The following GOSR1 variants were observed in gnomAD, a reference collection of about 807,000 sequenced individuals.
The protein encoded by GOSR1 is golgi SNAP receptor complex member 1.
In GOSR1, 21 loss-of-function variants were observed where a neutral mutation model predicts 35.5. The observed-to-expected ratio is 0.59, with a 90% CI of 0.42 to 0.85. GOSR1 has a LOEUF of 0.85. GOSR1 is among the 40% of genes least tolerant of loss of function. The pLI is 0.00. For missense variants in GOSR1, 285 were observed against 309.6 expected (o/e 0.92, Z 0.60); for synonymous variants, 94 against 106.6 (o/e 0.88, Z 0.73).
At chr17:30,482,073 A>G (rs1914392657) in intron 2 of GOSR1, among the ~76,000 whole-genome samples, 1 of 152,172 alleles carries the variant, frequency 6.6e-6, no homozygotes, top group African/African-American at 2.4e-5. Flanking sequence ...TTAAAAAATG[A>G]TAATTACTCA....
chr17:30,506,778 A>G (rs990056528), intron 6 of GOSR1, among the ~76,000 whole-genome samples: 3 of 152,216 alleles, frequency 2.0e-5, no homozygotes, highest in Non-Finnish European at 2.9e-5. Flanking sequence ...CAAAGCTTCA[A>G]AGGACAGCTG....
At position 30,523,192 on chromosome 17, in the gene GOSR1, AT is replaced by A. The variant is rs1968101712; in HGVS notation, c.*815del. 5.8e-6 allele frequency: 1 copy of A among 172,018 alleles called. No individual in the cohort carries two copies. The highest frequency in any genetic ancestry group is 9.3e-5 in the South Asian group (1 of 10,722). 10.7% of individuals were successfully genotyped at this position (172,018 alleles called of 1,614,324 possible). A position where few individuals can be genotyped will look rare whatever the true frequency, so the allele number is the denominator to read the frequency against. ...TGAGGAGCGCCTCTGCCCGGCCGCC[AT>A]CCCATCTAGGAAGTGAGGAGCGCCT... On this transcript the variant is annotated 3_prime_UTR_variant, in exon 9 of 9. Transcript: ENST00000451249.
chr17:30,484,920 CT>C lies in GOSR1; in HGVS notation c.342+158del, dbSNP rs766677074. 3.0e-4 allele frequency: 199 copies of C among 669,766 alleles called. 2 individuals are homozygous for C. In the East Asian group the frequency reaches 3.3e-3, roughly 11 times the overall value. 41.5% of individuals were successfully genotyped at this position (669,766 alleles called of 1,614,324 possible). On this transcript the variant is annotated intron_variant, in intron 4 of 8. Coordinates refer to ENST00000451249, the MANE Select transcript of GOSR1 (RefSeq NM_001007025.2). ...TGCCATGCTAAAGGGACTTGTTTTA[CT>C]TTTTTTTGGGGTCACCATTATAAAA...
chr17:30,516,330 C>T (rs568506899), intron 7 of GOSR1, among the ~76,000 whole-genome samples: 2 of 151,936 alleles, frequency 1.3e-5, no homozygotes, highest in Middle Eastern at 3.4e-3. Flanking sequence ...ATTAGCTGGG[C>T]GTGGTGGCAG....
intron 8 of GOSR1, chr17:30,520,282 C>G: frequency 3.3e-6 from 1 of 307,492 alleles, no homozygotes. Flanking sequence ...AATTATCCAC[C>G]AATTTCTTCT....
intron 7 of GOSR1, among the ~76,000 whole-genome samples, chr17:30,516,778 A>T (rs1456189469): frequency 6.6e-6 from 1 of 152,144 alleles, no homozygotes; most frequent in African/African-American, 2.4e-5. Flanking sequence ...CAGTGGCGCG[A>T]TCTCAGCTCA....
intron 7 of GOSR1, among the ~76,000 whole-genome samples, chr17:30,513,212 C>T (rs1323452335): frequency 2.6e-5 from 4 of 152,086 alleles, no homozygotes. Flanking sequence ...TTGAAAAGAA[C>T]TAGCATTTTT....
At chr17:30,521,553 A>T (rs1968034469) in intron 8 of GOSR1, among the ~76,000 whole-genome samples, 1 of 151,334 alleles carries the variant, frequency 6.6e-6, no homozygotes, top group Non-Finnish European at 1.5e-5. Flanking sequence ...AATAAGTCAC[A>T]TGGGAATTTT....
chr17:30,506,772 G>A (rs1967416439), intron 6 of GOSR1, among the ~76,000 whole-genome samples: 1 of 152,218 alleles, frequency 6.6e-6, no homozygotes, highest in African/African-American at 2.4e-5. Flanking sequence ...TGGCTTCAAA[G>A]CTTCAAAGGA....
chr17:30,495,362 C>A, intron 6 of GOSR1: 1 of 444,588 alleles, frequency 2.2e-6, no homozygotes, highest in African/African-American at 2.0e-5. Context: ...TCTCTAGAAG[C>A]ATTTTGTCAT....
In GOSR1 at chr17:30,522,266, C is replaced by G. The variant is rs1298435389; in HGVS notation, c.635C>G (p.Ala212Gly). The part of the protein sequence containing the change: ...KMNTLANRFP[A>G]VNSLIQRINL... ...AGATTTCCCAAAGATCGTTTTCCTG[C>G]TGTAAACAGCCTGATCCAGAGGATC... The change falls in exon 9 of 9, where the codon GCT becomes GGT. Residue 212 changes from alanine to glycine, a missense_variant. By Grantham distance (60) the Ala-to-Gly change is moderately conservative. This residue lies in a region of GOSR1 where 168 missense variants were observed against 183.2 expected (regional missense o/e 0.92). Transcript: ENST00000451249. 4.4e-6 allele frequency: 7 copies of G among 1,603,536 alleles called. No homozygotes were observed. Among genetic ancestry groups the G allele is most frequent in the African/African-American group, 1.3e-5 (1 of 74,466 alleles).
In GOSR1 at chr17:30,520,017, G is replaced by A; in HGVS notation, c.618G>A (p.Leu206=). Residue 206 remains leucine (L), a synonymous_variant, in exon 8 of 9, where the codon TTG becomes TTA. Coordinates refer to ENST00000451249, the MANE Select transcript of GOSR1 (RefSeq NM_001007025.2). ...CAATTCACAGCAAAATGAACACTTT[G>A]GCCAGTATCCTTTTTGAATGTTCGC... ...LKSIHSKMNT[L]ANRFPAVNSL... The A allele has an allele frequency of 3.8e-6, 6 of 1,588,736 alleles. No individual in the cohort carries two copies. Among genetic ancestry groups the A allele is most frequent in the Non-Finnish European group, 5.2e-6 (6 of 1,157,212 alleles).
At chr17:30,495,484 G>C (rs1207981748) in intron 6 of GOSR1, 2 of 454,396 alleles carry the variant, frequency 4.4e-6, no homozygotes, top group Non-Finnish European at 8.8e-6. Context: ...AGCAGAAAAA[G>C]CCTCATCTCT....
In GOSR1 at chr17:30,526,898, G is replaced by T. The variant is rs1202410260; in HGVS notation, c.*4520G>T. On this transcript the variant is annotated 3_prime_UTR_variant, in exon 9 of 9. Transcript: ENST00000451249. ...ATTATGGTATCTCTGGTGTTGATAA[G>T]TGTTTCTCATGATGTCCTGAAACCC... 1 of 152,244 alleles carries T rather than the reference G, an allele frequency of 6.6e-6. No individual in the cohort carries two copies. The highest frequency in any genetic ancestry group is 2.4e-5 in the African/African-American group (1 of 41,452). 9.4% of individuals were successfully genotyped at this position (152,244 alleles called of 1,614,324 possible).
chr17:30,519,493 TA>T (rs1967946994), intron 7 of GOSR1, among the ~76,000 whole-genome samples: 4 of 152,226 alleles, frequency 2.6e-5, no homozygotes, highest in Non-Finnish European at 4.4e-5. Context: ...GCTGGTTGTG[TA>T]TTCACATTTT....
In GOSR1 at chr17:30,522,593, T is replaced by TA. The variant is rs34897756; in HGVS notation, c.*231dup. On this transcript the variant is annotated 3_prime_UTR_variant, in exon 9 of 9. Transcript: ENST00000451249. ...TCTAACACATTTTTCTGTTTTTAAT[T>TA]AAAAAAAAAAAAAAAAGGTTTTCAG... 0.11 allele frequency: 28,022 copies of TA among 251,250 alleles called. 2,483 individuals carry two copies. The highest frequency in any genetic ancestry group is 0.34 in the African/African-American group (13,814 of 40,168). 15.6% of individuals were successfully genotyped at this position (251,250 alleles called of 1,614,324 possible). A position where few individuals can be genotyped will look rare whatever the true frequency, so the allele number is the denominator to read the frequency against.
At chr17:30,493,775 T>A (rs753444019) in intron 6 of GOSR1, among the ~76,000 whole-genome samples, 3 of 152,202 alleles carry the variant, frequency 2.0e-5, no homozygotes, top group Non-Finnish European at 2.9e-5. Flanking sequence ...TCCCATATAA[T>A]TTGATTTTTT....
intron 4 of GOSR1, among the ~76,000 whole-genome samples, chr17:30,488,179 T>TG (rs1164270427): frequency 1.3e-4 from 20 of 149,908 alleles, no homozygotes; most frequent in African/African-American, 4.9e-4. Context: ...TTTTTTTTTT[T>TG]TTTGAGACAG....
At chr17:30,506,124 A>G (rs1384609533) in intron 6 of GOSR1, among the ~76,000 whole-genome samples, 1 of 152,196 alleles carries the variant, frequency 6.6e-6, no homozygotes, top group African/African-American at 2.4e-5. Context: ...CAGTATTGAA[A>G]TTAGGCTAAT....
Sources: allele counts gnomAD v4.1 joint callset (sites outside exome capture counted in the v4.1 genomes callset), GRCh38; gene constraint gnomAD v4.1.1; regional missense constraint gnomAD v4.1.1; transcripts MANE v1.5; gene names NCBI Gene and HGNC (gene_info 2026-07-23, HGNC 2026-07-21).